Variants in PDE4D observed in about 807,000 individuals in gnomAD.
PDE4D encodes 3',5'-cyclic-AMP phosphodiesterase 4D.
A neutral mutation model predicts 87.4 loss-of-function variants in PDE4D; 24 were observed. That is an observed-to-expected ratio of 0.27 (90% confidence interval 0.20 to 0.39). PDE4D has a LOEUF of 0.39. Among genes scored for constraint, PDE4D ranks in the 10% least tolerant of loss-of-function variants. PDE4D has a pLI of 1.00. For missense variants in PDE4D, 714 were observed against 1,041.0 expected (o/e 0.69, Z 4.32); for synonymous variants, 384 against 383.2 (o/e 1.00, Z -0.02).
chr5:59,268,459 C>T (rs1763230104), intron 1 of PDE4D, among the ~76,000 whole-genome samples: 1 of 152,046 alleles, frequency 6.6e-6, no homozygotes, highest in African/African-American at 2.4e-5. Context: ...GTGTCTCACC[C>T]AGGCTTGCTG....
chr5:59,580,680 G>C (rs1212681897), intron 1 of PDE4D, among the ~76,000 whole-genome samples: 1 of 152,000 alleles, frequency 6.6e-6, no homozygotes, highest in Non-Finnish European at 1.5e-5. Context: ...ATGTTGTTCA[G>C]GCTGGTCTCT....
intron 5 of PDE4D, among the ~76,000 whole-genome samples, chr5:59,060,281 T>C (rs934903576): frequency 6.6e-6 from 1 of 152,104 alleles, no homozygotes; most frequent in Non-Finnish European, 1.5e-5. Flanking sequence ...AGAGGTGCCA[T>C]ATTAACCTCG....
intron 1 of PDE4D, among the ~76,000 whole-genome samples, chr5:59,727,617 G>A (rs1452870282): frequency 6.6e-6 from 1 of 152,070 alleles, no homozygotes; most frequent in African/African-American, 2.4e-5. Context: ...TACTAAATTT[G>A]AGTAGGCAGA....
intron 1 of PDE4D, among the ~76,000 whole-genome samples, chr5:59,847,370 G>A (rs1239683297): frequency 6.6e-6 from 1 of 151,976 alleles, no homozygotes; most frequent in Non-Finnish European, 1.5e-5. Context: ...TTCAGTCCCT[G>A]AGTTGAATTC....
At chr5:59,722,205 A>C (rs567036714) in intron 1 of PDE4D, among the ~76,000 whole-genome samples, 15 of 152,348 alleles carry the variant, frequency 9.8e-5, no homozygotes, top group African/African-American at 3.4e-4. Context: ...GCAAGAAAGC[A>C]CAACTTTAGG....
At chr5:59,320,287 G>A (rs1774478314) in intron 1 of PDE4D, among the ~76,000 whole-genome samples, 1 of 152,088 alleles carries the variant, frequency 6.6e-6, no homozygotes, top group East Asian at 1.9e-4. Flanking sequence ...AAAACACTTA[G>A]AATCGTGCCT....
At chr5:59,467,611 C>T (rs1486128067) in intron 1 of PDE4D, among the ~76,000 whole-genome samples, 1 of 152,170 alleles carries the variant, frequency 6.6e-6, no homozygotes, top group East Asian at 1.9e-4. Context: ...TTAACAGAAA[C>T]ATACTATTTA....
chr5:59,424,702 C>T (rs921591864), intron 1 of PDE4D, among the ~76,000 whole-genome samples: 1 of 152,148 alleles, frequency 6.6e-6, no homozygotes, highest in African/African-American at 2.4e-5. Flanking sequence ...ACTAGGGTCC[C>T]TCCCACAGCA....
chr5:60,165,524 ATTTC>A (rs1782813871), intron 2 of PDE4D, among the ~76,000 whole-genome samples: 2 of 151,884 alleles, frequency 1.3e-5, no homozygotes, highest in Non-Finnish European at 2.9e-5. Flanking sequence ...TAATTTTAAA[ATTTC>A]TTTACTTCTA....
chr5:60,386,546 G>C (rs1393069871), intron 1 of PDE4D, among the ~76,000 whole-genome samples: 2 of 152,182 alleles, frequency 1.3e-5, no homozygotes, highest in Non-Finnish European at 2.9e-5. Context: ...TAGGTCACTT[G>C]CTTCCGTTCC....
chr5:59,910,809 T>C (rs1753359169), intron 3 of PDE4D, among the ~76,000 whole-genome samples: 1 of 152,204 alleles, frequency 6.6e-6, no homozygotes, highest in Admixed American at 6.5e-5. Flanking sequence ...GAACTCCATG[T>C]CTTAAATGTA....
chr5:60,078,726 T>C (rs1287281593), intron 2 of PDE4D, among the ~76,000 whole-genome samples: 1 of 152,262 alleles, frequency 6.6e-6, no homozygotes, highest in Non-Finnish European at 1.5e-5. Flanking sequence ...TCATTCCTTT[T>C]AATGGCTGCA....
rs182565196 is a variant in PDE4D, at chr5:59,117,902, T to A, written c.808+62693A>T. On this transcript the variant is annotated intron_variant, in intron 5 of 14. Transcript: ENST00000340635. ...TACCACACAATAGATTGTCAAATTCTTCTTACTACATTTAAAATATTTTGT... is the reference window on the plus strand; with the variant it reads ...TACCACACAATAGATTGTCAAATTCATCTTACTACATTTAAAATATTTTGT... 4.7e-4 allele frequency among the ~76,000 whole-genome samples: 71 copies of A among 152,182 alleles called. 2 individuals carry two copies. The highest frequency in any genetic ancestry group is 1.6e-3 in the African/African-American group (68 of 41,516).
chr5:59,276,122 GA>G lies in PDE4D; in HGVS notation c.456-60155del, dbSNP rs56153175. ...AAAACACCGCAGGGCAGTGAGAAAGGAAAAAAAAAAAAAAAAAAAAAGAAAA... is the reference window on the plus strand; with the variant it reads ...AAAACACCGCAGGGCAGTGAGAAAGGAAAAAAAAAAAAAAAAAAAAGAAAA... On this transcript the variant is annotated intron_variant, in intron 1 of 14. Coordinates refer to ENST00000340635, the MANE Select transcript of PDE4D (RefSeq NM_001104631.2). The G allele has an allele frequency of 0.32, 272,494 of 841,646 alleles. 5,678 individuals are homozygous for G. Among genetic ancestry groups the G allele is most frequent in the Admixed American group, 0.34 (3,724 of 10,870 alleles). 52.1% of individuals were successfully genotyped at this position (841,646 alleles called of 1,614,324 possible).
intron 1 of PDE4D, among the ~76,000 whole-genome samples, chr5:59,326,234 T>A (rs2153574132): frequency 6.6e-6 from 1 of 152,226 alleles, no homozygotes; most frequent in African/African-American, 2.4e-5. Context: ...AACCTGCACG[T>A]TGTGCACATG....
intron 1 of PDE4D, among the ~76,000 whole-genome samples, chr5:59,630,237 T>A (rs1831392572): frequency 6.6e-6 from 1 of 152,240 alleles, no homozygotes; most frequent in Admixed American, 6.5e-5. Flanking sequence ...TTTAGATTAA[T>A]TTAAGCATTG....
chr5:59,423,141 T>G (rs1029449709), intron 1 of PDE4D, among the ~76,000 whole-genome samples: 1 of 152,156 alleles, frequency 6.6e-6, no homozygotes, highest in East Asian at 1.9e-4. Flanking sequence ...TCATTACACT[T>G]CAGACACCTT....
chr5:59,877,479 T>TAA (rs70975344), intron 1 of PDE4D, among the ~76,000 whole-genome samples: 9 of 102,366 alleles, frequency 8.8e-5, no homozygotes, highest in Middle Eastern at 5.0e-3. Context: ...TGCCAGAACC[T>TAA]AAAAAAAAAA....
chr5:59,647,229 C>T (rs938245057), intron 1 of PDE4D, among the ~76,000 whole-genome samples: 3 of 151,924 alleles, frequency 2.0e-5, no homozygotes, highest in African/African-American at 7.3e-5. Flanking sequence ...AGCTGGTGTA[C>T]AATTGTTTAA....
Sources: allele counts gnomAD v4.1 joint callset (sites outside exome capture counted in the v4.1 genomes callset), GRCh38; gene constraint gnomAD v4.1.1; transcripts MANE v1.5; gene names NCBI Gene and HGNC (gene_info 2026-07-23, HGNC 2026-07-21).